The following LINGO2 variants were observed in gnomAD, a reference collection of about 807,000 sequenced individuals.
LINGO2 encodes the protein leucine rich repeat and Ig domain containing 2.
LINGO2 carries 14 observed loss-of-function variants against 30.6 expected under a neutral mutation model. That is an observed-to-expected ratio of 0.46 (90% CI 0.30 to 0.72). The LOEUF (loss-of-function observed/expected upper bound fraction) is 0.72, where lower values mean the gene tolerates loss of function less well. Among genes scored for constraint, LINGO2 ranks in the 30% least tolerant of loss-of-function variants. LINGO2 has a pLI of 0.07. For synonymous variants in LINGO2, 317 were observed against 288.5 expected (o/e 1.10, Z -1.00); for missense variants, 729 against 751.7 (o/e 0.97, Z 0.35).
chr9:28,409,178 GA>G (rs2134797359), intron 2 of LINGO2, among the ~76,000 whole-genome samples: 2 of 152,088 alleles, frequency 1.3e-5, no homozygotes, highest in South Asian at 2.1e-4. Flanking sequence ...GAGAACAAGT[GA>G]AAAAAATTCA....
chr9:28,305,657 C>T (rs917240482), intron 3 of LINGO2, among the ~76,000 whole-genome samples: 8 of 152,074 alleles, frequency 5.3e-5, no homozygotes, highest in South Asian at 2.1e-4. Context: ...TCTTTCACAA[C>T]GTACATACAA....
At chr9:28,160,948 A>G (rs1169770801) in intron 4 of LINGO2, among the ~76,000 whole-genome samples, 3 of 152,060 alleles carry the variant, frequency 2.0e-5, no homozygotes, top group Non-Finnish European at 2.9e-5. Context: ...GCTCCTGAAC[A>G]GTGTTTGGTG....
the LINGO2 span, among the ~76,000 whole-genome samples, chr9:28,735,553 G>T: frequency 6.6e-6 from 1 of 151,994 alleles, no homozygotes; most frequent in Non-Finnish European, 1.5e-5. Context: ...ATTATCTTAA[G>T]TTATTCTAAA....
chr9:29,138,102 C>T, the LINGO2 span, among the ~76,000 whole-genome samples: 1 of 151,788 alleles, frequency 6.6e-6, no homozygotes, highest in South Asian at 2.1e-4. Context: ...TACTATGCTG[C>T]TTTGCAAACA....
intron 2 of LINGO2, among the ~76,000 whole-genome samples, chr9:28,412,178 T>C (rs562446325): frequency 1.0e-5 from 1 of 97,588 alleles, no homozygotes; most frequent in East Asian, 2.4e-4. Flanking sequence ...AGCTCCCACT[T>C]GTAAGTGAAA....
chr9:29,100,988 G>A, the LINGO2 span, among the ~76,000 whole-genome samples: 3 of 152,180 alleles, frequency 2.0e-5, no homozygotes, highest in Non-Finnish European at 4.4e-5. Context: ...CAGTAGGAAT[G>A]GAGAAGTGAA....
the LINGO2 span, among the ~76,000 whole-genome samples, chr9:29,005,405 A>G: frequency 5.9e-5 from 9 of 151,936 alleles, no homozygotes; most frequent in African/African-American, 2.2e-4. Flanking sequence ...CCTGGTATCT[A>G]TGAGAGATTG....
intron 1 of LINGO2, among the ~76,000 whole-genome samples, chr9:28,550,764 C>T (rs34797536): frequency 6.6e-6 from 1 of 151,604 alleles, no homozygotes; most frequent in African/African-American, 2.4e-5. Flanking sequence ...AAGCTACATG[C>T]ATCAATGTAA....
intron 1 of LINGO2, among the ~76,000 whole-genome samples, chr9:28,580,081 G>A (rs1824183403): frequency 6.6e-6 from 1 of 152,084 alleles, no homozygotes; most frequent in South Asian, 2.1e-4. Context: ...AAGCAGTGCA[G>A]AATGTGTGTA....
At chr9:27,940,780 G>T in the LINGO2 span, 1 of 152,164 alleles carries the variant, frequency 6.6e-6, no homozygotes, top group African/African-American at 2.4e-5. Context: ...TACATGACCA[G>T]AAAGTCTTTA....
intron 4 of LINGO2, among the ~76,000 whole-genome samples, chr9:28,024,940 G>C (rs1210195429): frequency 2.0e-5 from 3 of 152,170 alleles, no homozygotes; most frequent in Admixed American, 2.0e-4. Flanking sequence ...TTCTGGCACT[G>C]CACCAGTAGC....
At chr9:28,797,706 A>G in the LINGO2 span, among the ~76,000 whole-genome samples, 84,302 of 151,804 alleles carry the variant, frequency 0.56, 23,531 homozygotes, top group Middle Eastern at 0.67. Flanking sequence ...ATTCTTGAAT[A>G]TATGCATTTG....
chr9:28,004,339 G>C (rs528556359), intron 5 of LINGO2, among the ~76,000 whole-genome samples: 1 of 152,180 alleles, frequency 6.6e-6, no homozygotes, highest in Middle Eastern at 3.4e-3. Context: ...TTCATTAAAA[G>C]GTAGAGATTT....
intron 1 of LINGO2, among the ~76,000 whole-genome samples, chr9:28,567,315 T>C (rs1469732869): frequency 2.6e-5 from 4 of 152,070 alleles, no homozygotes; most frequent in African/African-American, 9.7e-5. Context: ...GGAAAAGAAA[T>C]TGTTTTATCA....
At chr9:27,989,258 T>C (rs1821271463) in intron 5 of LINGO2, among the ~76,000 whole-genome samples, 1 of 151,932 alleles carries the variant, frequency 6.6e-6, no homozygotes, top group South Asian at 2.1e-4. Flanking sequence ...TTTATTATTA[T>C]TCAAAGCCTC....
chr9:28,180,265 G>C (rs1165175336), intron 4 of LINGO2, among the ~76,000 whole-genome samples: 1 of 152,056 alleles, frequency 6.6e-6, no homozygotes, highest in African/African-American at 2.4e-5. Context: ...GTGGCCAGGG[G>C]TATCTTCAAG....
chr9:28,140,179 T>C (rs1827632809), intron 4 of LINGO2, among the ~76,000 whole-genome samples: 1 of 152,134 alleles, frequency 6.6e-6, no homozygotes, highest in African/African-American at 2.4e-5. Flanking sequence ...AACTTCTGGG[T>C]TACTGTGAAA....
chr9:28,301,573 A>C (rs955561536), intron 3 of LINGO2, among the ~76,000 whole-genome samples: 7 of 152,140 alleles, frequency 4.6e-5, no homozygotes, highest in African/African-American at 1.4e-4. Flanking sequence ...ACTTAGACAC[A>C]CTCATGTTTA....
the LINGO2 span, among the ~76,000 whole-genome samples, chr9:28,998,491 A>C: frequency 6.6e-6 from 1 of 152,194 alleles, no homozygotes; most frequent in Non-Finnish European, 1.5e-5. Context: ...CTCATAGAAC[A>C]CAAAGAGGAA....
Sources: allele counts gnomAD v4.1 joint callset (sites outside exome capture counted in the v4.1 genomes callset), GRCh38; gene constraint gnomAD v4.1.1; transcripts MANE v1.5; gene names NCBI Gene and HGNC (gene_info 2026-07-23, HGNC 2026-07-21).